Variants in TAOK1 observed in about 807,000 individuals in gnomAD.
The protein encoded by TAOK1 is serine/threonine-protein kinase TAO1.
In TAOK1, 21 loss-of-function variants were observed where a neutral mutation model predicts 138.3. That is an observed-to-expected ratio of 0.15 (90% CI 0.11 to 0.22). TAOK1 has a LOEUF of 0.22. TAOK1 is among the 10% of genes least tolerant of loss of function. TAOK1 has a pLI of 1.00. For missense variants in TAOK1, 651 were observed against 1,227.7 expected, an observed-to-expected ratio of 0.53 and a Z score of 7.02; for synonymous variants, 361 against 398.4, an observed-to-expected ratio of 0.91 and a Z score of 1.12.
chr17:29,535,592 T>C (rs2032207950), intron 19 of TAOK1, among the ~76,000 whole-genome samples: 1 of 152,038 alleles, frequency 6.6e-6, no homozygotes, highest in Non-Finnish European at 1.5e-5. Flanking sequence ...TTGTGGCTCA[T>C]GCTTGTAATC....
At chr17:29,430,296 G>A (rs1205405781) in intron 1 of TAOK1, among the ~76,000 whole-genome samples, 2 of 152,200 alleles carry the variant, frequency 1.3e-5, no homozygotes, top group Non-Finnish European at 2.9e-5. Context: ...CCCCCTAGAA[G>A]TTTCCCATTG....
At chr17:29,459,865 C>G (rs1311106369) in intron 2 of TAOK1, among the ~76,000 whole-genome samples, 3 of 152,180 alleles carry the variant, frequency 2.0e-5, no homozygotes, top group Non-Finnish European at 4.4e-5. Flanking sequence ...TTTACATTCC[C>G]AACAGTGTAC....
At chr17:29,399,804 C>A (rs574442745) in intron 1 of TAOK1, among the ~76,000 whole-genome samples, 1 of 152,170 alleles carries the variant, frequency 6.6e-6, no homozygotes, top group South Asian at 2.1e-4. Context: ...GATCAAAGTT[C>A]ACTACAGCCT....
At chr17:29,419,424 G>A (rs1905359125) in intron 1 of TAOK1, among the ~76,000 whole-genome samples, 1 of 151,620 alleles carries the variant, frequency 6.6e-6, no homozygotes, top group Admixed American at 6.6e-5. Flanking sequence ...TCGAACTCCC[G>A]ACATCAATTG....
intron 1 of TAOK1, among the ~76,000 whole-genome samples, chr17:29,412,013 C>G (rs1244836996): frequency 6.7e-6 from 1 of 149,020 alleles, no homozygotes; most frequent in Non-Finnish European, 1.5e-5. Flanking sequence ...TCCTTCTTTC[C>G]TTCCTTCCTT....
chr17:29,482,518 G>C (rs766366753), intron 8 of TAOK1, among the ~76,000 whole-genome samples: 1 of 151,898 alleles, frequency 6.6e-6, no homozygotes, highest in Non-Finnish European at 1.5e-5. Context: ...TTCCACTGTG[G>C]TTTTAATTAA....
rs574623635 is a variant in TAOK1 at position 29,409,140 on chromosome 17, A to G, written c.-95+18116A>G. On this transcript the variant is annotated intron_variant, in intron 1 of 19. Transcript: ENST00000261716. ...GGCATAATAGCTGTGATATTTATCT[A>G]TGTTGCGTGTTTCATTAGTTCATTT... Among the ~76,000 whole-genome samples the G allele has an allele frequency of 7.9e-5, 12 of 151,852 alleles. No homozygotes were observed. In the South Asian group the frequency reaches 8.3e-4, roughly 11 times the overall value.
chr17:29,495,509 C>T, intron 10 of TAOK1, 51 bp from the exon 11 acceptor site: 12 of 1,482,838 alleles, frequency 8.1e-6, no homozygotes, highest in Non-Finnish European at 1.1e-5. Flanking sequence ...GAAGGAGTAC[C>T]TTGTCACTAA....
At chr17:29,503,325 G>C (rs1372582181) in intron 13 of TAOK1, among the ~76,000 whole-genome samples, 1 of 149,550 alleles carries the variant, frequency 6.7e-6, no homozygotes, top group African/African-American at 2.5e-5. Context: ...GAACCTGGGA[G>C]GCAGAGCTTG....
intron 1 of TAOK1, among the ~76,000 whole-genome samples, chr17:29,414,659 C>T (rs1425360791): frequency 6.7e-6 from 1 of 149,868 alleles, no homozygotes; most frequent in Non-Finnish European, 1.5e-5. Context: ...CGGGTTCAAG[C>T]GATTCTCCTG....
intron 1 of TAOK1, among the ~76,000 whole-genome samples, chr17:29,448,187 T>G (rs576735808): frequency 1.3e-5 from 2 of 151,914 alleles, no homozygotes; most frequent in East Asian, 3.9e-4. Context: ...ACTCGTATAG[T>G]TTCTTTTTTT....
intron 1 of TAOK1, among the ~76,000 whole-genome samples, chr17:29,418,226 G>A (rs985752710): frequency 4.6e-5 from 7 of 151,978 alleles, no homozygotes; most frequent in Middle Eastern, 3.2e-3. Context: ...CTCTGTTGCC[G>A]AAGCTAAAGT....
chr17:29,499,057 A>G (rs2031465810), intron 12 of TAOK1, among the ~76,000 whole-genome samples: 1 of 152,194 alleles, frequency 6.6e-6, no homozygotes, highest in Non-Finnish European at 1.5e-5. Flanking sequence ...ATATTAGAAG[A>G]AAAAGTACAG....
intron 1 of TAOK1, among the ~76,000 whole-genome samples, chr17:29,397,633 T>TGTATACAC (rs1425205408): frequency 3.9e-4 from 33 of 84,406 alleles, no homozygotes; most frequent in African/African-American, 1.4e-3. Context: ...TATATATACA[T>TGTATACAC]GTATACATGT....
At chr17:29,420,334 T>G (rs1242812588) in intron 1 of TAOK1, among the ~76,000 whole-genome samples, 1 of 152,050 alleles carries the variant, frequency 6.6e-6, no homozygotes, top group African/African-American at 2.4e-5. Context: ...GTGCCGACCA[T>G]AATTGATTTT....
At chr17:29,480,186 C>G (rs2031031350) in intron 6 of TAOK1, 182 bp from the exon 7 acceptor site, 2 of 384,412 alleles carry the variant, frequency 5.2e-6, no homozygotes, top group African/African-American at 4.2e-5. Flanking sequence ...TATTTGAATT[C>G]TGTAGTTTTT....
At chr17:29,396,696 A>T (rs899706801) in intron 1 of TAOK1, among the ~76,000 whole-genome samples, 8 of 152,188 alleles carry the variant, frequency 5.3e-5, no homozygotes, top group Non-Finnish European at 1.2e-4. Flanking sequence ...TAAAATTGGC[A>T]CTTACTATAT....
chr17:29,406,762 T>G (rs1905003741), intron 1 of TAOK1, among the ~76,000 whole-genome samples: 1 of 152,074 alleles, frequency 6.6e-6, no homozygotes, highest in Non-Finnish European at 1.5e-5. Flanking sequence ...GTGACAGGGT[T>G]TCTCCATGTT....
chr17:29,528,737 G>C (rs559177232), intron 17 of TAOK1, among the ~76,000 whole-genome samples: 4 of 150,642 alleles, frequency 2.7e-5, no homozygotes, highest in African/African-American at 9.7e-5. Context: ...CTACTCAGGA[G>C]GCTGAGGCAG....
Sources: allele counts gnomAD v4.1 joint callset (sites outside exome capture counted in the v4.1 genomes callset), GRCh38; gene constraint gnomAD v4.1.1; transcripts MANE v1.5; gene names NCBI Gene and HGNC (gene_info 2026-07-23, HGNC 2026-07-21).